TMC5: variants seen among roughly 807,000 people sequenced by gnomAD.
The protein encoded by TMC5 is transmembrane channel-like protein 5.
In TMC5, 86 loss-of-function variants were observed where a neutral mutation model predicts 110.5. The ratio of observed to expected loss-of-function variants is 0.78; its 90% CI spans 0.65 to 0.93. TMC5 has a LOEUF of 0.93. Among genes scored for constraint, TMC5 ranks in the 40% least tolerant of loss-of-function variants. TMC5 has a pLI of 0.00. For synonymous variants in TMC5, 455 were observed against 439.5 expected (o/e 1.04, Z -0.44); for missense variants, 1,144 against 1,222.8 (o/e 0.94, Z 0.96).
chr16:19,439,901 ATC>A, intron 2 of TMC5, 57 bp from the exon 3 acceptor site: 1 of 695,066 alleles, frequency 1.4e-6, no homozygotes, highest in South Asian at 1.9e-5. Context: ...ATAACCAGCA[ATC>A]TCTGCAGGGA....
intron 20 of TMC5, 122 bp downstream of exon 20, chr16:19,494,488 A>G (rs1968997933): frequency 1.5e-6 from 1 of 666,452 alleles, no homozygotes; most frequent in East Asian, 2.7e-5. Context: ...TCTCTGTCTT[A>G]AGTATTTCTG....
intron 17 of TMC5, among the ~76,000 whole-genome samples, chr16:19,488,062 G>T (rs1183240924): frequency 1.3e-5 from 2 of 152,120 alleles, no homozygotes; most frequent in African/African-American, 4.8e-5. Flanking sequence ...ATTAGGGCAG[G>T]GGAGTGGTGG....
Position 19,490,562 on chromosome 16 carries a change from T to C in TMC5, c.2741T>C (p.Ile914Thr), listed in dbSNP as rs1968861565. The C allele has an allele frequency of 1.2e-6, 2 of 1,613,930 alleles. No homozygotes were observed. Among genetic ancestry groups the C allele is most frequent in the African/African-American group, 2.7e-5 (2 of 74,880 alleles). Residue 914 changes from isoleucine (I) to threonine (T), a missense_variant, in exon 18 of 22, where the codon ATT (isoleucine) becomes ACT (threonine). Physicochemically the swap from Ile to Thr is moderately conservative, Grantham distance 89. Coordinates refer to ENST00000542583, the MANE Select transcript of TMC5 (RefSeq NM_001261841.2). ...SVHFFFILTLIVLIITYLYWQ... is the reference protein window; with the variant it reads ...SVHFFFILTLTVLIITYLYWQ... ...CACTTCTTTTTCATCCTCACCCTCATTGTGCTGTGAGTGTGGTACCCGGGG... is the reference window on the plus strand; with the variant it reads ...CACTTCTTTTTCATCCTCACCCTCACTGTGCTGTGAGTGTGGTACCCGGGG...
intron 14 of TMC5, 21 bp from the exon 15 acceptor site, chr16:19,481,349 A>G: frequency 6.3e-7 from 1 of 1,578,490 alleles, no homozygotes; most frequent in Non-Finnish European, 8.7e-7. Context: ...TTTGGGTACT[A>G]AACTCAGTAT....
At chr16:19,433,529 C>G (rs1453164938) in intron 2 of TMC5, among the ~76,000 whole-genome samples, 1 of 152,160 alleles carries the variant, frequency 6.6e-6, no homozygotes, top group Non-Finnish European at 1.5e-5. Flanking sequence ...GCTGGTGACC[C>G]TGAGTCCTGG....
chr16:19,445,534 CA>C (rs1250005019), intron 4 of TMC5, among the ~76,000 whole-genome samples: 9 of 151,768 alleles, frequency 5.9e-5, no homozygotes, highest in African/African-American at 2.2e-4. Flanking sequence ...GAGCCTGGGC[CA>C]ATTCTGAACA....
Position 19,463,905 on chromosome 16 carries a change from C to A in TMC5, c.1366C>A (p.Leu456Ile). ...CTCCTATTTCAACTTTCTGAGATGG[C>A]TTTTGAAGTTCAACATTTTCTCATT... ...VLSYFNFLRWLLKFNIFSFIL... is the reference protein window; with the variant it reads ...VLSYFNFLRWILKFNIFSFIL... The change falls in exon 8 of 22, where the codon CTT becomes ATT. Residue 456 changes from leucine to isoleucine, a missense_variant. Transcript: ENST00000542583. 1.2e-6 allele frequency: 2 copies of A among 1,614,172 alleles called. No individual in the cohort carries two copies.
At chr16:19,472,706 G>A (rs1171734311) in intron 11 of TMC5, among the ~76,000 whole-genome samples, 1 of 152,052 alleles carries the variant, frequency 6.6e-6, no homozygotes, top group Non-Finnish European at 1.5e-5. Context: ...TCTCTCCATT[G>A]TACAGATGGA....
In TMC5 at chr16:19,463,756, G is replaced by A; in HGVS notation, c.1237-20G>A. The A allele has an allele frequency of 6.2e-7, 1 of 1,611,180 alleles. No homozygotes were observed. Among genetic ancestry groups the A allele is most frequent in the Non-Finnish European group, 8.5e-7 (1 of 1,178,242 alleles). On this transcript the variant is annotated intron_variant, in intron 7 of 21. Coordinates refer to ENST00000542583, the MANE Select transcript of TMC5 (RefSeq NM_001261841.2). ...GTTGAGTCAACAGCAAGCCACACCT[G>A]CTTTGAATCCTGATTCCAGGCTTAT... is the stretch of plus-strand genomic sequence containing the variant.
rs141281985 is a variant in TMC5 at position 19,487,221 on chromosome 16, C to T, written c.2468C>T (p.Pro823Leu). 39 of 1,613,414 alleles carry T rather than the reference C, an allele frequency of 2.4e-5. 1 individual carries two copies. Among genetic ancestry groups the T allele is most frequent in the Admixed American group, 1.7e-4 (10 of 59,918 alleles). The change falls in exon 17 of 22, where the codon CCG (proline) becomes CTG (leucine). Residue 823 changes from proline to leucine, a missense_variant. Transcript: ENST00000542583. Reference sequence around the variant, plus strand: ...AGCCTGATGATGAATTTCCAGCCTCCGAGCAAAGCCTGGCGGGCCTCACAG... The same window carrying T: ...AGCCTGATGATGAATTTCCAGCCTCTGAGCAAAGCCTGGCGGGCCTCACAG... ...NISLMMNFQP[P>L]SKAWRASQMM...
At chr16:19,446,006 C>A (rs1261367669) in intron 4 of TMC5, among the ~76,000 whole-genome samples, 1 of 145,516 alleles carries the variant, frequency 6.9e-6, no homozygotes, top group African/African-American at 2.7e-5. Flanking sequence ...CAAAGCGAGA[C>A]CCTGTCGCAA....
intron 5 of TMC5, among the ~76,000 whole-genome samples, chr16:19,457,389 G>A (rs1179696308): frequency 2.0e-5 from 3 of 152,230 alleles, no homozygotes; most frequent in Non-Finnish European, 4.4e-5. Context: ...GTAAGATCCT[G>A]TCTCTAAAAG....
chr16:19,426,833 G>T (rs537966704), intron 1 of TMC5, among the ~76,000 whole-genome samples: 1 of 151,814 alleles, frequency 6.6e-6, no homozygotes, highest in African/African-American at 2.4e-5. Context: ...CCTGCTCCTC[G>T]CTGGCTGATC....
In TMC5 at chr16:19,463,812, C is replaced by T. The variant is rs1441964805; in HGVS notation, c.1273C>T (p.Leu425=). 6.2e-7 allele frequency: 1 copy of T among 1,614,178 alleles called. No individual in the cohort carries two copies. Among genetic ancestry groups the T allele is most frequent in the Non-Finnish European group, 8.5e-7 (1 of 1,180,018 alleles). The change falls in exon 8 of 22, where the codon CTG becomes TTG. Residue 425 remains leucine, a synonymous_variant. Transcript: ENST00000542583. ...ATCCAAGAACAGCCTGTCGGAAATT[C>T]TGAATTCCATCAGCCTGTGGCAGAA... ...RRSKNSLSEI[L]NSISLWQKTL... is the part of the protein sequence containing the mutation.
intron 5 of TMC5, among the ~76,000 whole-genome samples, chr16:19,450,795 G>C (rs1487538767): frequency 1.3e-5 from 2 of 152,192 alleles, no homozygotes; most frequent in Non-Finnish European, 2.9e-5. Flanking sequence ...GCCTGTGTTG[G>C]TGGGGACAAG....
intron 5 of TMC5, among the ~76,000 whole-genome samples, chr16:19,452,396 A>C (rs1967769600): frequency 1.3e-5 from 2 of 152,114 alleles, no homozygotes; most frequent in African/African-American, 4.8e-5. Context: ...GCTTCATTAC[A>C]TAGACATGAT....
chr16:19,447,622 T>C (rs566950877), intron 4 of TMC5, among the ~76,000 whole-genome samples: 3 of 152,266 alleles, frequency 2.0e-5, no homozygotes, highest in Admixed American at 1.3e-4. Context: ...GCCCGCTCTT[T>C]AGTGCAGGCT....
At chr16:19,417,094 CAAA>C (rs60613963), upstream of TMC5, among the ~76,000 whole-genome samples, 11 of 69,176 alleles carry the variant, frequency 1.6e-4, no homozygotes, top group South Asian at 1.4e-3. Flanking sequence ...ACTCAGTCTT[CAAA>C]AAAAAAAAAA....
intron 10 of TMC5, among the ~76,000 whole-genome samples, chr16:19,471,624 C>T (rs913877586): frequency 6.6e-6 from 1 of 152,194 alleles, no homozygotes; most frequent in African/African-American, 2.4e-5. Context: ...CATGAATGTT[C>T]CCCCTCTCTC....
Sources: gnomAD v4.1 joint callset for allele counts (sites outside exome capture counted in the v4.1 genomes callset) on GRCh38, gnomAD v4.1.1 for gene constraint, MANE v1.5 for transcripts, NCBI Gene and HGNC (gene_info 2026-07-23, HGNC 2026-07-21) for gene names.